The following LRBA variants were observed in gnomAD, a reference collection of about 807,000 sequenced individuals.
The protein encoded by LRBA is LPS responsive beige-like anchor protein.
A neutral mutation model predicts 330.0 loss-of-function variants in LRBA; 176 were observed. The ratio of observed to expected loss-of-function variants is 0.53; its 90% CI spans 0.47 to 0.60. The LOEUF (loss-of-function observed/expected upper bound fraction) is 0.60. Ranked by LOEUF, LRBA falls within the 20% of genes least tolerant of loss-of-function variation. The pLI, the probability that LRBA is intolerant of heterozygous loss-of-function variation, is 0.00. For missense variants in LRBA, 3,259 were observed against 3,444.8 expected (o/e 0.95, Z 1.35); for synonymous variants, 1,230 against 1,193.0 (o/e 1.03, Z -0.64).
At chr4:150,375,916 A>G in intron 47 of LRBA, among the ~76,000 whole-genome samples, 1 of 152,124 alleles carries the variant, frequency 6.6e-6, no homozygotes. Flanking sequence ...TAAACCCTCT[A>G]TCTTCGACCA....
At chr4:150,838,077 T>A (rs1192952778) in intron 28 of LRBA, among the ~76,000 whole-genome samples, 1 of 152,340 alleles carries the variant, frequency 6.6e-6, no homozygotes, top group Non-Finnish European at 1.5e-5. Flanking sequence ...TATGAAATTC[T>A]GGGTTGAAAA....
At chr4:150,330,630 C>T (rs563907905) in intron 48 of LRBA, among the ~76,000 whole-genome samples, 4 of 152,204 alleles carry the variant, frequency 2.6e-5, no homozygotes, top group South Asian at 2.1e-4. Context: ...GTTTGCATTC[C>T]GATGACAATC....
In LRBA at chr4:150,321,372, CAGG is replaced by C. The variant is rs1223364539; in HGVS notation, c.7453-7_7453-5del. On this transcript the variant is annotated splice_polypyrimidine_tract_variant and splice_region_variant and intron_variant, in intron 49 of 56. Coordinates refer to ENST00000651943, the MANE Select transcript of LRBA (RefSeq NM_001364905.1). The surrounding 1 kb of genome is among the most constrained non-coding windows in gnomAD (Gnocchi z 4.5). The stretch of plus-strand genomic sequence containing the variant: ...TGTCTGTGAACATCAATGGACTCTG[CAGG>C]AGGAGATACTGTTGAGTGGGCATGA... 38 of 1,578,190 alleles carry C rather than the reference CAGG, an allele frequency of 2.4e-5. No individual in the cohort carries two copies. Among genetic ancestry groups the C allele is most frequent in the Non-Finnish European group, 3.2e-5 (37 of 1,167,798 alleles).
Position 150,852,354 on chromosome 4 carries a change from G to T in LRBA, c.3356C>A (p.Pro1119His), listed in dbSNP as rs764381149. The change falls in exon 23 of 57, where the codon CCT (proline) becomes CAT (histidine). Residue 1119 changes from proline to histidine, a missense_variant. Transcript: ENST00000651943. ...DYVELKVEGSPTEEANLPTEL... is the reference protein window; with the variant it reads ...DYVELKVEGSHTEEANLPTEL... ...TGTGGGTAGATTAGCTTCCTCAGTAGGACTGCCTTCTACTTTCAGTTCCAC... is the reference window on the plus strand; with the variant it reads ...TGTGGGTAGATTAGCTTCCTCAGTATGACTGCCTTCTACTTTCAGTTCCAC... 8 of 1,613,806 alleles carry T rather than the reference G, an allele frequency of 5.0e-6. No individual in the cohort carries two copies. Among genetic ancestry groups the T allele is most frequent in the Non-Finnish European group, 6.8e-6 (8 of 1,179,952 alleles).
intron 40 of LRBA, 82 bp from the exon 41 acceptor site, chr4:150,491,117 G>T: frequency 1.7e-6 from 1 of 578,964 alleles, no homozygotes; most frequent in Admixed American, 2.9e-5. Flanking sequence ...AAATAGAAAA[G>T]ACCCTATTAA....
intron 9 of LRBA, among the ~76,000 whole-genome samples, chr4:150,913,530 T>C (rs1732246129): frequency 6.6e-6 from 1 of 152,222 alleles, no homozygotes; most frequent in Admixed American, 6.5e-5. Flanking sequence ...GTGTTATGTA[T>C]ACTACTGCTA....
chr4:150,364,228 A>G (rs1240718945), intron 47 of LRBA, among the ~76,000 whole-genome samples: 1 of 152,244 alleles, frequency 6.6e-6, no homozygotes, highest in African/African-American at 2.4e-5. Context: ...CTGTCCAACT[A>G]AACAACCACC....
At chr4:150,652,833 G>A (rs530616381) in intron 37 of LRBA, among the ~76,000 whole-genome samples, 35 of 152,258 alleles carry the variant, frequency 2.3e-4, no homozygotes, top group Admixed American at 7.8e-4. Context: ...TCAAATTGAG[G>A]TTAGACACCT....
Position 150,493,358 on chromosome 4 carries a change from T to C in LRBA, c.6331-2323A>G, listed in dbSNP as rs377476145. Among the ~76,000 whole-genome samples, 19 of 152,308 alleles carry C rather than the reference T, an allele frequency of 1.2e-4. No homozygotes were observed. The East Asian group carries it at 1.9e-3, about 15-fold the overall frequency. On this transcript the variant is annotated intron_variant, in intron 40 of 56. Transcript: ENST00000651943. ...CTAGAATACTAGAATCTAAGTTCTG[T>C]TGGAGCAAAGGCTTTGAATATACCC...
At position 150,868,007 on chromosome 4, in the gene LRBA, C is replaced by G. The variant is rs976985317; in HGVS notation, c.2574-144G>C. 11 of 888,290 alleles carry G rather than the reference C, an allele frequency of 1.2e-5. No individual in the cohort carries two copies. The African/African-American group carries it at 1.5e-4, about 12-fold the overall frequency. 55.0% of individuals were successfully genotyped at this position (888,290 alleles called of 1,614,324 possible). ...TAGTTATACATTAAGAACAATTCGA[C>G]AATGTGGTACTAAAAATTCTAACTT... On this transcript the variant is annotated intron_variant, in intron 21 of 56. Coordinates refer to ENST00000651943, the MANE Select transcript of LRBA (RefSeq NM_001364905.1).
At chr4:150,350,443 G>A (rs572152000) in intron 47 of LRBA, among the ~76,000 whole-genome samples, 2 of 151,916 alleles carry the variant, frequency 1.3e-5, no homozygotes, top group Non-Finnish European at 2.9e-5. Context: ...GGTGGCCTGC[G>A]CCTGTAATCC....
intron 48 of LRBA, among the ~76,000 whole-genome samples, chr4:150,332,381 G>A (rs1734104075): frequency 6.6e-6 from 1 of 151,942 alleles, no homozygotes; most frequent in Non-Finnish European, 1.5e-5. Flanking sequence ...TTTTGCTCTT[G>A]TAGCAACATG....
chr4:150,607,678 G>T (rs1774796490), intron 37 of LRBA, among the ~76,000 whole-genome samples: 2 of 151,850 alleles, frequency 1.3e-5, no homozygotes, highest in African/African-American at 2.4e-5. Context: ...GAGACAGGTG[G>T]ATCACTTGAG....
At chr4:150,958,824 C>T (rs1737832427) in intron 2 of LRBA, among the ~76,000 whole-genome samples, 1 of 149,178 alleles carries the variant, frequency 6.7e-6, no homozygotes, top group Non-Finnish European at 1.5e-5. Flanking sequence ...TCCTCATCTC[C>T]ATCTGAGATC....
At chr4:150,338,951 A>G (rs763327174) in intron 48 of LRBA, among the ~76,000 whole-genome samples, 1 of 119,790 alleles carries the variant, frequency 8.3e-6, no homozygotes, top group Admixed American at 9.8e-5. Context: ...AGCACTTTGT[A>G]TAACTATTTA....
At chr4:150,486,508 A>T (rs1757886169) in intron 42 of LRBA, among the ~76,000 whole-genome samples, 1 of 151,938 alleles carries the variant, frequency 6.6e-6, no homozygotes. Context: ...GCAAATCTTC[A>T]GCAATGAGGG....
intron 9 of LRBA, among the ~76,000 whole-genome samples, chr4:150,912,527 T>C (rs1378189742): frequency 6.6e-6 from 1 of 152,230 alleles, no homozygotes; most frequent in Admixed American, 6.5e-5. Flanking sequence ...ATTATTTCAT[T>C]ATATATTACA....
chr4:150,571,937 T>C (rs1027252757), intron 40 of LRBA, among the ~76,000 whole-genome samples: 6 of 151,954 alleles, frequency 3.9e-5, no homozygotes, highest in East Asian at 1.9e-4. Context: ...CTCCCACTTC[T>C]AGTTATAAAT....
chr4:150,465,479 T>G (rs976634297), intron 44 of LRBA, among the ~76,000 whole-genome samples: 1 of 152,154 alleles, frequency 6.6e-6, no homozygotes, highest in African/African-American at 2.4e-5. Context: ...CGCACCAGCA[T>G]GCACAAGGGT....
Sources: allele counts gnomAD v4.1 joint callset (sites outside exome capture counted in the v4.1 genomes callset), GRCh38; gene constraint gnomAD v4.1.1; non-coding constraint Gnocchi (gnomAD v3.1); transcripts MANE v1.5; gene names NCBI Gene and HGNC (gene_info 2026-07-23, HGNC 2026-07-21).